PCOLCE2: variants seen among roughly 807,000 people sequenced by gnomAD.
PCOLCE2 encodes the protein procollagen C-proteinase enhancer 2.
PCOLCE2 carries 42 observed loss-of-function variants against 47.0 expected under a neutral mutation model. That is an observed-to-expected ratio of 0.89 (90% CI 0.70 to 1.16). The LOEUF (loss-of-function observed/expected upper bound fraction) is 1.16, where lower values mean the gene tolerates loss of function less well. Among genes scored for constraint, PCOLCE2 ranks in the 50% most tolerant of loss-of-function variants. The pLI is 0.00. For synonymous variants in PCOLCE2, 169 were observed against 191.7 expected (o/e 0.88, Z 0.98); for missense variants, 500 against 526.1 (o/e 0.95, Z 0.49).
intron 2 of PCOLCE2, among the ~76,000 whole-genome samples, chr3:142,865,614 AAAC>A (rs1165860557): frequency 3.3e-5 from 5 of 152,242 alleles, no homozygotes; most frequent in African/African-American, 1.2e-4. Flanking sequence ...ATATAAAAAG[AAAC>A]AACATCCTGT....
At chr3:142,857,166 C>G (rs538866127) in intron 2 of PCOLCE2, among the ~76,000 whole-genome samples, 29 of 152,326 alleles carry the variant, frequency 1.9e-4, no homozygotes, top group African/African-American at 6.3e-4. Context: ...GGTGCCTTAC[C>G]AGGTCTGGCA....
At chr3:142,843,270 A>G (rs1319656051) in intron 3 of PCOLCE2, 3 of 622,668 alleles carry the variant, frequency 4.8e-6, no homozygotes, top group Non-Finnish European at 6.0e-6. Context: ...AACACGAGAG[A>G]GGGGAGAAGT....
chr3:142,855,649 G>T (rs1487340701), intron 2 of PCOLCE2, among the ~76,000 whole-genome samples: 2 of 152,136 alleles, frequency 1.3e-5, no homozygotes, highest in East Asian at 3.9e-4. Context: ...AGTTAAGTTG[G>T]GGCCATGAGT....
At chr3:142,852,335 G>C (rs548764600) in intron 2 of PCOLCE2, among the ~76,000 whole-genome samples, 6 of 152,000 alleles carry the variant, frequency 3.9e-5, no homozygotes, top group Non-Finnish European at 8.8e-5. Flanking sequence ...CATATTCTCC[G>C]AAGATGGCCT....
intron 2 of PCOLCE2, among the ~76,000 whole-genome samples, chr3:142,855,703 T>A (rs750399290): frequency 1.5e-4 from 23 of 152,190 alleles, no homozygotes; most frequent in Non-Finnish European, 1.5e-4. Context: ...GATGCACCCA[T>A]TACCTCCAGG....
chr3:142,833,503 C>A (rs893719804), intron 5 of PCOLCE2, among the ~76,000 whole-genome samples: 2 of 150,798 alleles, frequency 1.3e-5, no homozygotes, highest in Non-Finnish European at 3.0e-5. Context: ...TTTTTTAAAC[C>A]CTCAACATTA....
chr3:142,872,449 C>T (rs1933409013), intron 2 of PCOLCE2, among the ~76,000 whole-genome samples: 1 of 152,132 alleles, frequency 6.6e-6, no homozygotes, highest in Admixed American at 6.5e-5. Flanking sequence ...TTGTTCATCC[C>T]ATAGGCCTCT....
intron 6 of PCOLCE2, among the ~76,000 whole-genome samples, chr3:142,823,988 C>T (rs1164845741): frequency 6.6e-6 from 1 of 152,170 alleles, no homozygotes; most frequent in Non-Finnish European, 1.5e-5. Flanking sequence ...AGGTTAATCC[C>T]TCACTTTACA....
At chr3:142,825,131 A>G (rs1560129314) in intron 6 of PCOLCE2, among the ~76,000 whole-genome samples, 1 of 152,246 alleles carries the variant, frequency 6.6e-6, no homozygotes, top group Non-Finnish European at 1.5e-5. Flanking sequence ...ACCTCACTTC[A>G]GCTGTAAATT....
chr3:142,874,307 T>A (rs1347829931), intron 2 of PCOLCE2, among the ~76,000 whole-genome samples: 1 of 152,180 alleles, frequency 6.6e-6, no homozygotes, highest in Non-Finnish European at 1.5e-5. Flanking sequence ...ATCTTCCGAC[T>A]TTGTGATCCG....
At chr3:142,865,873 T>G (rs1478435700) in intron 2 of PCOLCE2, among the ~76,000 whole-genome samples, 1 of 152,202 alleles carries the variant, frequency 6.6e-6, no homozygotes, top group Non-Finnish European at 1.5e-5. Context: ...AAAAAAGTAG[T>G]TCACTTAATA....
chr3:142,826,179 G>A (rs1937074727), intron 6 of PCOLCE2, among the ~76,000 whole-genome samples: 1 of 151,862 alleles, frequency 6.6e-6, no homozygotes, highest in African/African-American at 2.4e-5. Context: ...TAATTTTTTT[G>A]TATTTTTTTA....
intron 3 of PCOLCE2, among the ~76,000 whole-genome samples, chr3:142,847,595 G>A (rs1015470739): frequency 2.6e-5 from 4 of 152,128 alleles, no homozygotes; most frequent in Admixed American, 2.0e-4. Context: ...GCAGCACAGT[G>A]GCATGATCAC....
At position 142,823,428 on chromosome 3, in the gene PCOLCE2, G is replaced by C; in HGVS notation, c.949+104C>G. On this transcript the variant is annotated intron_variant, in intron 7 of 8. Transcript: ENST00000295992. ...AAGTATTTTCTTGGATAAATGAGCA[G>C]CGTTATTGACCCTTCACCATAAATT... is the stretch of plus-strand genomic sequence containing the variant. 6 of 687,032 alleles carry C rather than the reference G, an allele frequency of 8.7e-6. No homozygotes were observed. The South Asian group carries it at 9.4e-5, about 11-fold the overall frequency. 42.6% of individuals were successfully genotyped at this position (687,032 alleles called of 1,614,324 possible).
chr3:142,836,030 T>A (rs1937199745), intron 5 of PCOLCE2, among the ~76,000 whole-genome samples: 1 of 152,264 alleles, frequency 6.6e-6, no homozygotes, highest in Non-Finnish European at 1.5e-5. Flanking sequence ...TTCCTTCCAC[T>A]GTTTTGCAAG....
chr3:142,845,430 A>G (rs1050717956), intron 3 of PCOLCE2, among the ~76,000 whole-genome samples: 1 of 152,232 alleles, frequency 6.6e-6, no homozygotes, highest in Non-Finnish European at 1.5e-5. Flanking sequence ...AGAAATTAAG[A>G]GAAGAAAAGA....
intron 2 of PCOLCE2, among the ~76,000 whole-genome samples, chr3:142,871,730 C>G (rs754383844): frequency 6.6e-6 from 1 of 152,166 alleles, no homozygotes; most frequent in Non-Finnish European, 1.5e-5. Flanking sequence ...TTCAGACTGG[C>G]TGCTCCCTAA....
intron 2 of PCOLCE2, among the ~76,000 whole-genome samples, chr3:142,851,329 TC>T (rs1445946994): frequency 2.0e-5 from 3 of 152,154 alleles, no homozygotes; most frequent in African/African-American, 4.8e-5. Flanking sequence ...GTGGTCTTCT[TC>T]CCCAGCCACA....
intron 6 of PCOLCE2, chr3:142,827,599 G>T (rs111476918): frequency 4.1e-5 from 61 of 1,474,842 alleles, no homozygotes; most frequent in Admixed American, 3.9e-4. Flanking sequence ...CCTTCTTGCC[G>T]CAATACACAA....
Sources: allele counts gnomAD v4.1 joint callset (sites outside exome capture counted in the v4.1 genomes callset), GRCh38; gene constraint gnomAD v4.1.1; transcripts MANE v1.5; gene names NCBI Gene and HGNC (gene_info 2026-07-23, HGNC 2026-07-21).